KLHL32: variants seen among roughly 807,000 people sequenced by gnomAD.
The protein encoded by KLHL32 is kelch like family member 32, also known as kelch-like protein 32.
In KLHL32, 35 loss-of-function variants were observed where a neutral mutation model predicts 64.8. The ratio of observed to expected loss-of-function variants is 0.54; its 90% confidence interval spans 0.41 to 0.72. The LOEUF (loss-of-function observed/expected upper bound fraction) is 0.72. Among genes scored for constraint, KLHL32 ranks in the 30% least tolerant of loss-of-function variants. The probability of loss-of-function intolerance (pLI) is 0.00; values close to 1 mark genes in which losing one functional copy is unlikely to be tolerated. For missense variants in KLHL32, 589 were observed against 768.5 expected (o/e 0.77, Z 2.76); for synonymous variants, 259 against 281.0 (o/e 0.92, Z 0.78).
chr6:96,959,564 A>G (rs946213409), intron 1 of KLHL32, among the ~76,000 whole-genome samples: 2 of 152,170 alleles, frequency 1.3e-5, no homozygotes, highest in African/African-American at 4.8e-5. Context: ...ATCATTTTGA[A>G]TTAGAGCCCA....
intron 3 of KLHL32, among the ~76,000 whole-genome samples, chr6:96,981,130 CT>C (rs1776259190): frequency 6.6e-6 from 1 of 152,164 alleles, no homozygotes; most frequent in Non-Finnish European, 1.5e-5. Flanking sequence ...CACCAGGTCC[CT>C]CCCAGGACAC....
chr6:97,091,120 G>T (rs1220293933), intron 6 of KLHL32, among the ~76,000 whole-genome samples: 2 of 152,130 alleles, frequency 1.3e-5, no homozygotes, highest in African/African-American at 4.8e-5. Context: ...CAAAGGGCAG[G>T]TTCACCTGAG....
chr6:96,934,162 C>T (rs189787242), intron 1 of KLHL32, among the ~76,000 whole-genome samples: 329 of 152,302 alleles, frequency 2.2e-3, no homozygotes, highest in Non-Finnish European at 3.7e-3. Flanking sequence ...CCTGCAAATA[C>T]GTGCACTCTA....
intron 5 of KLHL32, among the ~76,000 whole-genome samples, chr6:97,078,761 C>A (rs1792004999): frequency 6.6e-6 from 1 of 152,134 alleles, no homozygotes; most frequent in Non-Finnish European, 1.5e-5. Context: ...AATGTCAAAA[C>A]ACCTATTTTT....
At chr6:96,903,410 G>A in the KLHL32 span, among the ~76,000 whole-genome samples, 9 of 152,258 alleles carry the variant, frequency 5.9e-5, no homozygotes, top group Admixed American at 3.9e-4. Flanking sequence ...ATAGATTACG[G>A]TCACTCTCAT....
intron 1 of KLHL32, among the ~76,000 whole-genome samples, chr6:96,942,841 A>C (rs1386806730): frequency 6.6e-6 from 1 of 152,130 alleles, no homozygotes; most frequent in Non-Finnish European, 1.5e-5. Flanking sequence ...TATTGTCCTC[A>C]TTCTGCAGAG....
At chr6:96,905,020 T>G in the KLHL32 span, among the ~76,000 whole-genome samples, 1 of 152,104 alleles carries the variant, frequency 6.6e-6, no homozygotes, top group Non-Finnish European at 1.5e-5. Context: ...CTCCATGTCC[T>G]CATGAACTTG....
chr6:97,075,200 AT>A (rs1791410322), intron 5 of KLHL32, among the ~76,000 whole-genome samples: 1 of 152,188 alleles, frequency 6.6e-6, no homozygotes, highest in Non-Finnish European at 1.5e-5. Flanking sequence ...GACTCCAAAA[AT>A]TAGAGCATGC....
intron 2 of KLHL32, among the ~76,000 whole-genome samples, chr6:96,969,310 T>C (rs1774853781): frequency 6.6e-6 from 1 of 152,168 alleles, no homozygotes; most frequent in African/African-American, 2.4e-5. Context: ...CAGCCTCCTC[T>C]CCTTTTTCAA....
chr6:96,927,028 G>A (rs1769249351), intron 1 of KLHL32, among the ~76,000 whole-genome samples: 1 of 152,106 alleles, frequency 6.6e-6, no homozygotes, highest in Non-Finnish European at 1.5e-5. Flanking sequence ...CAATATTAAA[G>A]TCTAATAAAT....
intron 5 of KLHL32, among the ~76,000 whole-genome samples, chr6:97,084,334 A>G (rs1267765089): frequency 1.3e-5 from 2 of 152,196 alleles, no homozygotes; most frequent in African/African-American, 4.8e-5. Flanking sequence ...GTGGGGGTAC[A>G]GTGACAAAGG....
upstream of KLHL32, among the ~76,000 whole-genome samples, chr6:96,923,798 C>T (rs1441649844): frequency 6.6e-6 from 1 of 152,318 alleles, no homozygotes; most frequent in African/African-American, 2.4e-5. Flanking sequence ...TTACACTCTT[C>T]CTGCTTCTGG....
intron 3 of KLHL32, among the ~76,000 whole-genome samples, chr6:97,040,255 C>A (rs996666895): frequency 5.9e-5 from 9 of 152,144 alleles, no homozygotes; most frequent in African/African-American, 1.7e-4. Context: ...AAATTGAATT[C>A]TCTTTATATT....
chr6:96,963,899 C>T (rs1247545077), intron 1 of KLHL32, among the ~76,000 whole-genome samples: 1 of 152,186 alleles, frequency 6.6e-6, no homozygotes, highest in African/African-American at 2.4e-5. Context: ...GAATCTTTGT[C>T]ATGCCAATGG....
chr6:96,996,640 C>T (rs965705233), intron 3 of KLHL32, among the ~76,000 whole-genome samples: 4 of 152,026 alleles, frequency 2.6e-5, no homozygotes, highest in African/African-American at 9.7e-5. Context: ...CCAGTTTTGG[C>T]GTGGTATTTT....
chr6:97,104,350 G>A (rs1406995996), intron 6 of KLHL32, among the ~76,000 whole-genome samples: 1 of 151,726 alleles, frequency 6.6e-6, no homozygotes, highest in Non-Finnish European at 1.5e-5. Context: ...TAGTTGCAAG[G>A]GCTTTTCGCT....
intron 3 of KLHL32, among the ~76,000 whole-genome samples, chr6:97,003,565 C>G (rs563161407): frequency 3.9e-4 from 59 of 152,220 alleles, no homozygotes; most frequent in Non-Finnish European, 6.6e-4. Flanking sequence ...AAATGTCTGC[C>G]AGGGCCTATG....
intron 3 of KLHL32, chr6:96,994,747 C>A: frequency 1.7e-6 from 1 of 605,436 alleles, no homozygotes; most frequent in Non-Finnish European, 2.1e-6. Flanking sequence ...GATAATAATG[C>A]TTTAAAAAAT....
intron 3 of KLHL32, among the ~76,000 whole-genome samples, chr6:96,980,376 G>C (rs1030721502): frequency 6.6e-6 from 1 of 152,178 alleles, no homozygotes; most frequent in Non-Finnish European, 1.5e-5. Flanking sequence ...ATGAAGGGAA[G>C]TTGATTTTTA....
Sources: gnomAD v4.1 joint callset for allele counts (sites outside exome capture counted in the v4.1 genomes callset) on GRCh38, gnomAD v4.1.1 for gene constraint, MANE v1.5 for transcripts, NCBI Gene and HGNC (gene_info 2026-07-23, HGNC 2026-07-21) for gene names.